The following LSAMP variants were observed in gnomAD, a reference collection of about 807,000 sequenced individuals.
LSAMP encodes limbic system associated membrane protein, also known as limbic system-associated membrane protein.
Under a neutral mutation model 38.6 loss-of-function variants are expected in LSAMP, and 7 were observed. The observed-to-expected ratio is 0.18, with a 90% CI of 0.10 to 0.34. The LOEUF (loss-of-function observed/expected upper bound fraction) is 0.34, where lower values mean the gene tolerates loss of function less well. Among genes scored for constraint, LSAMP ranks in the 10% least tolerant of loss-of-function variants. The probability of loss-of-function intolerance (pLI) is 1.00; values close to 1 mark genes in which losing one functional copy is unlikely to be tolerated. For missense variants in LSAMP, 313 were observed against 420.0 expected, an observed-to-expected ratio of 0.75 and a Z score of 2.23; for synonymous variants, 154 against 166.8, an observed-to-expected ratio of 0.92 and a Z score of 0.59.
chr3:115,983,316 G>A (rs1442977979), intron 3 of LSAMP, among the ~76,000 whole-genome samples: 1 of 151,844 alleles, frequency 6.6e-6, no homozygotes, highest in African/African-American at 2.4e-5. Flanking sequence ...CAGAGTTCAG[G>A]GCTAGCCTAA....
intron 3 of LSAMP, among the ~76,000 whole-genome samples, chr3:115,911,061 A>C (rs1369142896): frequency 6.6e-6 from 1 of 152,238 alleles, no homozygotes; most frequent in African/African-American, 2.4e-5. Flanking sequence ...TGCATGTAAC[A>C]AAATATCACA....
chr3:115,861,690 A>T (rs571281598), intron 3 of LSAMP, among the ~76,000 whole-genome samples: 1 of 152,316 alleles, frequency 6.6e-6, no homozygotes, highest in African/African-American at 2.4e-5. Flanking sequence ...TTGGCGAATT[A>T]GGAGGGGGTA....
At chr3:116,111,373 G>T (rs1016154822) in intron 1 of LSAMP, among the ~76,000 whole-genome samples, 2 of 152,166 alleles carry the variant, frequency 1.3e-5, no homozygotes, top group African/African-American at 4.8e-5. Context: ...TATTCTCTCT[G>T]ATTTGTGCCT....
At chr3:116,421,375 G>C (rs2049122243) in intron 1 of LSAMP, among the ~76,000 whole-genome samples, 1 of 152,026 alleles carries the variant, frequency 6.6e-6, no homozygotes, top group Non-Finnish European at 1.5e-5. Context: ...TTCGAGACCA[G>C]CCTGGCCAAC....
chr3:115,900,583 G>A (rs545539531), intron 3 of LSAMP, among the ~76,000 whole-genome samples: 1 of 151,542 alleles, frequency 6.6e-6, no homozygotes, highest in Admixed American at 6.6e-5. Flanking sequence ...TGACCCTAAG[G>A]CTAAAAGACC....
At chr3:116,048,856 TA>T (rs1340494157) in intron 2 of LSAMP, among the ~76,000 whole-genome samples, 1 of 152,162 alleles carries the variant, frequency 6.6e-6, no homozygotes, top group Admixed American at 6.5e-5. Context: ...TTGCACTATG[TA>T]GTACTGCCTG....
intron 3 of LSAMP, among the ~76,000 whole-genome samples, chr3:115,969,903 T>A (rs1481945230): frequency 6.6e-6 from 1 of 152,200 alleles, no homozygotes; most frequent in African/African-American, 2.4e-5. Context: ...TATTATACTG[T>A]CACCCCTTCA....
Position 116,026,246 on chromosome 3 carries a change from C to A in LSAMP, c.389-6606G>T, listed in dbSNP as rs137974921. 3.8e-3 allele frequency among the ~76,000 whole-genome samples: 571 copies of A among 152,204 alleles called. 5 individuals are homozygous for A. Among genetic ancestry groups the A allele is most frequent in the Non-Finnish European group, 4.8e-3 (324 of 68,010 alleles). ...CTGGCTCTGCCACCTGTTTTTCTGT[C>A]CCTCCTTATTGTCTTTGTAGTTCCT... On this transcript the variant is annotated intron_variant, in intron 2 of 6. Transcript: ENST00000490035.
At chr3:116,258,703 T>C (rs1246211090) in intron 1 of LSAMP, among the ~76,000 whole-genome samples, 1 of 152,094 alleles carries the variant, frequency 6.6e-6, no homozygotes, top group Non-Finnish European at 1.5e-5. Flanking sequence ...TAAAATCATG[T>C]GTTTGCCCTG....
At chr3:115,878,010 C>G (rs1936227736) in intron 3 of LSAMP, among the ~76,000 whole-genome samples, 3 of 152,062 alleles carry the variant, frequency 2.0e-5, no homozygotes, top group Admixed American at 2.0e-4. Context: ...AGAAGGTGTG[C>G]CATCAGGCCA....
chr3:116,077,977 C>T (rs910505206), intron 2 of LSAMP, among the ~76,000 whole-genome samples: 5 of 152,200 alleles, frequency 3.3e-5, no homozygotes, highest in Admixed American at 2.6e-4. Flanking sequence ...TATCTTTTGG[C>T]AAATGATGCC....
In LSAMP at chr3:115,805,354, T is replaced by C. The variant is rs555599887; in HGVS notation, c.*4963A>G. On this transcript the variant is annotated 3_prime_UTR_variant, in exon 7 of 7. Coordinates refer to ENST00000490035, the MANE Select transcript of LSAMP (RefSeq NM_002338.5). ...AGTCGTAATTCTTCCGATTCTGAAC[T>C]GTGAAACGTTTCAGTTTTTATTTAT... 4.6e-5 allele frequency: 7 copies of C among 152,336 alleles called. No individual in the cohort carries two copies. Among genetic ancestry groups the C allele is most frequent in the Non-Finnish European group, 7.4e-5 (5 of 68,020 alleles). The allele number at this position is 152,336 out of a possible 1,614,324, so 9.4% of individuals were successfully genotyped here. A position where few individuals can be genotyped will look rare whatever the true frequency, so the allele number is the denominator to read the frequency against.
chr3:116,107,320 G>A (rs1227983387), intron 1 of LSAMP, among the ~76,000 whole-genome samples: 1 of 152,174 alleles, frequency 6.6e-6, no homozygotes, highest in African/African-American at 2.4e-5. Flanking sequence ...ATAGATTTTG[G>A]AAGTTATGAA....
chr3:116,128,874 G>A (rs1345315951), intron 1 of LSAMP, among the ~76,000 whole-genome samples: 1 of 152,224 alleles, frequency 6.6e-6, no homozygotes, highest in Non-Finnish European at 1.5e-5. Flanking sequence ...TTAAAACAAT[G>A]TGTCACTAAT....
intron 1 of LSAMP, among the ~76,000 whole-genome samples, chr3:116,198,565 C>G (rs573975117): frequency 1.3e-5 from 2 of 151,244 alleles, no homozygotes; most frequent in South Asian, 2.1e-4. Flanking sequence ...GCCAGGAGAT[C>G]GAGACCATCC....
At chr3:116,186,171 T>C (rs1217178934) in intron 1 of LSAMP, among the ~76,000 whole-genome samples, 2 of 152,114 alleles carry the variant, frequency 1.3e-5, no homozygotes, top group African/African-American at 2.4e-5. Flanking sequence ...AGGCAGACCA[T>C]TAAGGCAATC....
At chr3:115,934,688 G>A (rs566405629) in intron 3 of LSAMP, among the ~76,000 whole-genome samples, 16 of 152,236 alleles carry the variant, frequency 1.1e-4, no homozygotes, top group Admixed American at 1.0e-3. Context: ...TTTCTACACA[G>A]ATTGCTTATA....
intron 3 of LSAMP, among the ~76,000 whole-genome samples, chr3:116,019,201 A>G (rs1464231567): frequency 1.3e-5 from 2 of 150,986 alleles, no homozygotes; most frequent in Non-Finnish European, 2.9e-5. Flanking sequence ...TTTTACAGAT[A>G]GATAGATCTC....
intron 6 of LSAMP, among the ~76,000 whole-genome samples, chr3:115,837,466 G>A (rs568086696): frequency 2.3e-4 from 32 of 136,752 alleles, no homozygotes; most frequent in African/African-American, 1.0e-3. Flanking sequence ...TAGGCTAAAC[G>A]CTGACTACTA....
Sources: allele counts gnomAD v4.1 joint callset (sites outside exome capture counted in the v4.1 genomes callset), GRCh38; gene constraint gnomAD v4.1.1; transcripts MANE v1.5; gene names NCBI Gene and HGNC (gene_info 2026-07-23, HGNC 2026-07-21).